Variants in UBN2 observed in about 807,000 individuals in gnomAD.
UBN2 encodes the protein ubinuclein-2.
A neutral mutation model predicts 120.2 loss-of-function variants in UBN2; 35 were observed. The ratio of observed to expected loss-of-function variants is 0.29; its 90% CI spans 0.22 to 0.39. UBN2 has a LOEUF of 0.39. Among genes scored for constraint, UBN2 ranks in the 10% least tolerant of loss-of-function variants. The pLI is 1.00. For synonymous variants in UBN2, 661 were observed against 648.7 expected (o/e 1.02, Z -0.29); for missense variants, 1,693 against 1,663.2 (o/e 1.02, Z -0.31).
rs550501365 is a variant in UBN2, at chr7:139,272,699, GTATTT to G, written c.1715+261_1715+265del. On this transcript the variant is annotated intron_variant, in intron 9 of 17. Transcript: ENST00000473989. Reference sequence around the variant, plus strand: ...GTGCCACCACACCAGGCTAATTTTTGTATTTTTAGTAGAGACAGGGTTTCACCATG... The same window carrying G: ...GTGCCACCACACCAGGCTAATTTTTGTTAGTAGAGACAGGGTTTCACCATG... 3.9e-5 allele frequency among the ~76,000 whole-genome samples: 6 copies of G among 152,118 alleles called. No homozygotes were observed. The East Asian group carries it at 9.7e-4, about 25-fold the overall frequency.
chr7:139,265,503 G>T (rs1797070968), intron 6 of UBN2, among the ~76,000 whole-genome samples: 1 of 152,090 alleles, frequency 6.6e-6, no homozygotes, highest in Non-Finnish European at 1.5e-5. Flanking sequence ...TCTGTATTAA[G>T]CCTTACAAAA....
intron 15 of UBN2, 122 bp downstream of exon 15, chr7:139,284,696 C>T: frequency 1.2e-6 from 1 of 833,384 alleles, no homozygotes; most frequent in South Asian, 1.9e-5. Flanking sequence ...TTATTACAGC[C>T]TGCAGCCATG....
Position 139,259,258 on chromosome 7 carries a change from A to G in UBN2, c.802-9A>G. ...TTACATAAATGATCATTCTTTTATC[A>G]TTTTGCAGGTCCCCAAAATAAAAGA... is the stretch of plus-strand genomic sequence containing the variant. On this transcript the variant is annotated splice_polypyrimidine_tract_variant and intron_variant, in intron 4 of 17. Coordinates refer to ENST00000473989, the MANE Select transcript of UBN2 (RefSeq NM_173569.4). 6.2e-7 allele frequency: 1 copy of G among 1,611,798 alleles called. No homozygotes were observed.
chr7:139,279,851 T>C (rs961777846), intron 13 of UBN2, among the ~76,000 whole-genome samples: 4 of 152,222 alleles, frequency 2.6e-5, no homozygotes, highest in African/African-American at 9.6e-5. Context: ...TGTGTAAAGC[T>C]GGACCTTCAA....
intron 2 of UBN2, among the ~76,000 whole-genome samples, chr7:139,248,271 A>G (rs1391758664): frequency 6.6e-6 from 1 of 152,176 alleles, no homozygotes; most frequent in Non-Finnish European, 1.5e-5. Context: ...GTAATACTTC[A>G]TAGGAAATTT....
At chr7:139,274,180 A>G in intron 11 of UBN2, 106 bp downstream of exon 11, 1 of 1,162,126 alleles carries the variant, frequency 8.6e-7, no homozygotes, top group Non-Finnish European at 1.2e-6. Context: ...CTAAGAACCT[A>G]ATATATTCAG....
chr7:139,274,100 T>G (rs775203551), intron 11 of UBN2, 26 bp downstream of exon 11: 1 of 1,554,878 alleles, frequency 6.4e-7, no homozygotes, highest in Non-Finnish European at 8.6e-7. Flanking sequence ...TACTGGATTT[T>G]ATTTTATTTT....
intron 13 of UBN2, among the ~76,000 whole-genome samples, chr7:139,281,328 A>G (rs563233027): frequency 6.6e-6 from 1 of 152,302 alleles, no homozygotes. Flanking sequence ...CTAGTTATAA[A>G]GATAAGATAA....
the UBN2 span, among the ~76,000 whole-genome samples, chr7:139,325,795 A>G: frequency 2.6e-5 from 4 of 152,178 alleles, no homozygotes; most frequent in African/African-American, 9.7e-5. Flanking sequence ...GGCATAGTAA[A>G]CTGTTGTCCC....
At chr7:139,265,533 T>G (rs1797072552) in intron 6 of UBN2, among the ~76,000 whole-genome samples, 1 of 152,152 alleles carries the variant, frequency 6.6e-6, no homozygotes, top group African/African-American at 2.4e-5. Context: ...ATTCTAATCC[T>G]TGGAATCTGC....
At chr7:139,294,872 G>C (rs1344584123) in intron 17 of UBN2, among the ~76,000 whole-genome samples, 1 of 152,170 alleles carries the variant, frequency 6.6e-6, no homozygotes, top group Non-Finnish European at 1.5e-5. Flanking sequence ...CAAGCTGTAT[G>C]CATTATGTCC....
intron 8 of UBN2, among the ~76,000 whole-genome samples, chr7:139,271,268 C>A (rs1797266561): frequency 6.6e-6 from 1 of 152,072 alleles, no homozygotes; most frequent in Non-Finnish European, 1.5e-5. Flanking sequence ...TTTTAAAAAT[C>A]TTTTTCTTTA....
intron 12 of UBN2, among the ~76,000 whole-genome samples, chr7:139,278,992 C>G (rs1205261695): frequency 6.6e-6 from 1 of 151,884 alleles, no homozygotes; most frequent in African/African-American, 2.4e-5. Flanking sequence ...TCATTCACAC[C>G]TTCTTGGCAT....
intron 17 of UBN2, among the ~76,000 whole-genome samples, chr7:139,294,594 A>G (rs1422486680): frequency 2.0e-5 from 3 of 152,192 alleles, no homozygotes; most frequent in Non-Finnish European, 4.4e-5. Flanking sequence ...TAATCCCAGC[A>G]CTTTGGGAGG....
In UBN2 at chr7:139,284,098, C is replaced by T. The variant is rs566327922; in HGVS notation, c.3193C>T (p.Leu1065=). The T allele has an allele frequency of 1.2e-6, 2 of 1,614,194 alleles. No individual in the cohort carries two copies. The highest frequency in any genetic ancestry group is 1.7e-6 in the Non-Finnish European group (2 of 1,180,040). ...PKPSASPKPS[L]SAKPSVSTKL... ...GCCTTCTGCCTCACCCAAGCCCTCT[C>T]TGTCAGCTAAGCCTTCAGTATCAAC... is the stretch of plus-strand genomic sequence containing the variant. The change falls in exon 15 of 18, where the codon CTG becomes TTG. Residue 1065 remains leucine, a synonymous_variant. Coordinates refer to ENST00000473989, the MANE Select transcript of UBN2 (RefSeq NM_173569.4).
chr7:139,237,977 T>C (rs1003287212), intron 2 of UBN2, among the ~76,000 whole-genome samples: 4 of 152,260 alleles, frequency 2.6e-5, no homozygotes, highest in Non-Finnish European at 5.9e-5. Flanking sequence ...TAGTGGTGTT[T>C]GTTTGAATAC....
chr7:139,276,505 A>G (rs572605864), intron 12 of UBN2: 3 of 276,806 alleles, frequency 1.1e-5, no homozygotes, highest in African/African-American at 6.7e-5. Context: ...TTACCAGGAC[A>G]GATCCATATG....
At chr7:139,316,107 AG>A in the UBN2 span, among the ~76,000 whole-genome samples, 9,980 of 115,602 alleles carry the variant, frequency 0.086, 3,918 homozygotes, top group Admixed American at 0.13. Flanking sequence ...AAAAAAAAAA[AG>A]GGGTTCCAGT....
At chr7:139,246,080 A>G (rs554874919) in intron 2 of UBN2, among the ~76,000 whole-genome samples, 1 of 152,226 alleles carries the variant, frequency 6.6e-6, no homozygotes, top group African/African-American at 2.4e-5. Context: ...ATTTGAGGAA[A>G]GAGGCCAGGC....
Sources: allele counts gnomAD v4.1 joint callset (sites outside exome capture counted in the v4.1 genomes callset), GRCh38; gene constraint gnomAD v4.1.1; transcripts MANE v1.5; gene names NCBI Gene and HGNC (gene_info 2026-07-23, HGNC 2026-07-21).